ABCA1: variants seen among roughly 807,000 people sequenced by gnomAD.
The protein encoded by ABCA1 is phospholipid-transporting ATPase ABCA1.
Under a neutral mutation model 262.5 loss-of-function variants are expected in ABCA1, and 133 were observed. The ratio of observed to expected loss-of-function variants is 0.51; its 90% confidence interval spans 0.44 to 0.59. The LOEUF (loss-of-function observed/expected upper bound fraction) is 0.59. ABCA1 is among the 20% of genes least tolerant of loss of function. The pLI is 0.00. For synonymous variants in ABCA1, 1,022 were observed against 1,043.5 expected (o/e 0.98, Z 0.40); for missense variants, 2,452 against 2,777.5 (o/e 0.88, Z 2.63).
intron 1 of ABCA1, among the ~76,000 whole-genome samples, chr9:104,923,849 G>A (rs1234046832): frequency 2.0e-5 from 3 of 152,144 alleles, no homozygotes; most frequent in Non-Finnish European, 4.4e-5. Context: ...AGACCAGTCT[G>A]AGCAAGATAG....
intron 14 of ABCA1, among the ~76,000 whole-genome samples, chr9:104,830,113 C>T (rs1440021806): frequency 6.6e-6 from 1 of 152,218 alleles, no homozygotes; most frequent in East Asian, 1.9e-4. Flanking sequence ...CATCCAAAGG[C>T]ATAGTTCCCA....
At chr9:104,838,868 G>C (rs367965780) in intron 9 of ABCA1, among the ~76,000 whole-genome samples, 5 of 151,772 alleles carry the variant, frequency 3.3e-5, no homozygotes, top group East Asian at 1.9e-4. Context: ...GGAAATGAAG[G>C]CTTCCTTGGG....
At chr9:104,922,099 T>G (rs1427471592) in intron 1 of ABCA1, among the ~76,000 whole-genome samples, 1 of 152,250 alleles carries the variant, frequency 6.6e-6, no homozygotes. Flanking sequence ...TTTCAAACTT[T>G]ATTTTGTTTT....
intron 1 of ABCA1, among the ~76,000 whole-genome samples, chr9:104,923,666 T>C (rs1564308351): frequency 6.6e-6 from 1 of 152,252 alleles, no homozygotes. Context: ...TTGCAAGGTA[T>C]ATAGCCAGAG....
intron 18 of ABCA1, 89 bp from the exon 19 acceptor site, chr9:104,822,756 G>A: frequency 6.7e-7 from 1 of 1,488,358 alleles, no homozygotes; most frequent in Non-Finnish European, 9.3e-7. Context: ...TGAACTTTCA[G>A]AAGTGCCTTC....
At chr9:104,834,788 T>C (rs548126033) in intron 11 of ABCA1, among the ~76,000 whole-genome samples, 1 of 131,822 alleles carries the variant, frequency 7.6e-6, no homozygotes, top group South Asian at 2.6e-4. Context: ...AGAGGTGCCC[T>C]GGGACCTGTG....
intron 11 of ABCA1, among the ~76,000 whole-genome samples, chr9:104,835,223 G>A (rs2472388): frequency 0.14 from 20,451 of 150,062 alleles, 1,612 homozygotes; most frequent in African/African-American, 0.21. Flanking sequence ...ATTTCAGCCT[G>A]GGTGACAGAG....
chr9:104,895,560 A>G (rs540750510), intron 2 of ABCA1, among the ~76,000 whole-genome samples: 1 of 152,216 alleles, frequency 6.6e-6, no homozygotes, highest in South Asian at 2.1e-4. Flanking sequence ...CCACTGCTCT[A>G]GAGTTATTAT....
At position 104,895,857 on chromosome 9, in the gene ABCA1, A is replaced by G. The variant is rs993137576; in HGVS notation, c.67-6662T>C. ...TCTTGAGATTTAGCCACGTTAATTC[A>G]AGGTTAGGGCAGCGCAAGGGCCATG... On this transcript the variant is annotated intron_variant, in intron 2 of 49. Transcript: ENST00000374736. Among the ~76,000 whole-genome samples the G allele has an allele frequency of 1.3e-5, 2 of 152,160 alleles. 1 individual carries two copies. The highest frequency in any genetic ancestry group is 4.1e-4 in the South Asian group (2 of 4,828).
At chr9:104,839,079 A>C (rs1404073837) in intron 9 of ABCA1, among the ~76,000 whole-genome samples, 1 of 152,174 alleles carries the variant, frequency 6.6e-6, no homozygotes, top group Non-Finnish European at 1.5e-5. Context: ...GAAATGGAGA[A>C]AGGTTCCCCT....
chr9:104,868,295 T>C (rs1837270053), intron 5 of ABCA1, among the ~76,000 whole-genome samples: 1 of 152,106 alleles, frequency 6.6e-6, no homozygotes, highest in Non-Finnish European at 1.5e-5. Flanking sequence ...GAGGTTGCAG[T>C]GAGCCGAGAT....
chr9:104,922,613 G>A (rs957316928), intron 1 of ABCA1, among the ~76,000 whole-genome samples: 9 of 152,130 alleles, frequency 5.9e-5, no homozygotes, highest in Non-Finnish European at 1.3e-4. Context: ...AACAGTAAAT[G>A]TAACTATTTT....
At chr9:104,873,598 G>A (rs1366288115) in intron 5 of ABCA1, among the ~76,000 whole-genome samples, 1 of 152,190 alleles carries the variant, frequency 6.6e-6, no homozygotes, top group Non-Finnish European at 1.5e-5. Context: ...CGAGAAACTG[G>A]AATTCTGGTC....
rs1483414980 is a variant in ABCA1 at position 104,802,072 on chromosome 9, T to C, written c.4680A>G (p.Lys1560=). 6.2e-7 allele frequency: 1 copy of C among 1,614,166 alleles called. No individual in the cohort carries two copies. Among genetic ancestry groups the C allele is most frequent in the Admixed American group, 1.7e-5 (1 of 60,028 alleles). Residue 1560 remains lysine (K), a synonymous_variant, in exon 34 of 50, where the codon AAA becomes AAG. Transcript: ENST00000374736. ...EVNDAIKQMK[K]HLKLAKDSSA... is the part of the protein sequence containing the mutation. ...ATTTTACCTTGGCCAGCTTTAGGTG[T>C]TTCTTCATTTGTTTGATGGCATCAT...
chr9:104,802,422 GT>G (rs1214093101), intron 33 of ABCA1, among the ~76,000 whole-genome samples: 4 of 152,238 alleles, frequency 2.6e-5, no homozygotes, highest in African/African-American at 9.6e-5. Context: ...AAAGAATGGT[GT>G]TTCATCTCAC....
chr9:104,842,226 C>T (rs2472448), intron 8 of ABCA1, among the ~76,000 whole-genome samples: 16,753 of 152,196 alleles, frequency 0.11, 975 homozygotes, highest in Middle Eastern at 0.16. Flanking sequence ...TCCACAAGAA[C>T]ACAATTAGGT....
At chr9:104,884,638 T>C (rs1333426507) in intron 3 of ABCA1, 70 bp from the exon 4 acceptor site, 2 of 1,562,392 alleles carry the variant, frequency 1.3e-6, no homozygotes, top group South Asian at 1.1e-5. Context: ...TGAGGCTCCA[T>C]TTATACAATG....
intron 23 of ABCA1, among the ~76,000 whole-genome samples, chr9:104,818,202 C>T (rs908410146): frequency 8.6e-5 from 13 of 151,640 alleles, no homozygotes; most frequent in East Asian, 1.9e-4. Context: ...ATGGTAACAA[C>T]GCTATATAAA....
In ABCA1 at chr9:104,817,063, C is replaced by T. The variant is rs2118955563; in HGVS notation, c.3535+269G>A. Among the ~76,000 whole-genome samples, 1 of 152,272 alleles carries T rather than the reference C, an allele frequency of 6.6e-6. No homozygotes were observed. Among genetic ancestry groups the T allele is most frequent in the Admixed American group, 6.5e-5 (1 of 15,292 alleles). ...CTCCTCATCCCTGGTATTCAGTGTCCACTCCCCTAAGGGATTCCCCAAACC... is the reference window on the plus strand; with the variant it reads ...CTCCTCATCCCTGGTATTCAGTGTCTACTCCCCTAAGGGATTCCCCAAACC... On this transcript the variant is annotated intron_variant, in intron 24 of 49. Coordinates refer to ENST00000374736, the MANE Select transcript of ABCA1 (RefSeq NM_005502.4). This position sits in a 1 kb window ranked among gnomAD's most constrained non-coding sequence, Gnocchi z 4.7.
Sources: allele counts gnomAD v4.1 joint callset (sites outside exome capture counted in the v4.1 genomes callset), GRCh38; gene constraint gnomAD v4.1.1; non-coding constraint Gnocchi (gnomAD v3.1); transcripts MANE v1.5; gene names NCBI Gene and HGNC (gene_info 2026-07-23, HGNC 2026-07-21).